Variants in BMF observed in about 807,000 individuals in gnomAD.
BMF encodes bcl-2-modifying factor.
In BMF, 10 loss-of-function variants were observed where a neutral mutation model predicts 22.0. The ratio of observed to expected loss-of-function variants is 0.45; its 90% confidence interval spans 0.28 to 0.77. The LOEUF (loss-of-function observed/expected upper bound fraction) is 0.77, where lower values mean the gene tolerates loss of function less well. Among genes scored for constraint, BMF ranks in the 30% least tolerant of loss-of-function variants. BMF has a pLI of 0.13. For synonymous variants in BMF, 87 were observed against 88.1 expected (o/e 0.99, Z 0.07); for missense variants, 206 against 226.8 (o/e 0.91, Z 0.59).
intron 4 of BMF, among the ~76,000 whole-genome samples, chr15:40,100,888 G>C (rs1227060078): frequency 1.3e-5 from 2 of 152,140 alleles, no homozygotes; most frequent in African/African-American, 2.4e-5. Flanking sequence ...TCTGTAACCA[G>C]GGACAAAAAG....
rs913450231 is a variant in BMF, at chr15:40,088,161, A to G, written c.*3626T>C. On this transcript the variant is annotated 3_prime_UTR_variant, in exon 5 of 5. Transcript: ENST00000354670. ...TCCAGGGATGGGGTAGAAGGCTAGC[A>G]ATGCTCCCAGAGCAGGGAGGGGCAC... is the stretch of plus-strand genomic sequence containing the variant. 2.0e-5 allele frequency: 3 copies of G among 152,618 alleles called. No individual in the cohort carries two copies. Among genetic ancestry groups the G allele is most frequent in the Admixed American group, 1.3e-4 (2 of 15,282 alleles). The allele number at this position is 152,618 out of a possible 1,614,324, so 9.5% of individuals were successfully genotyped here.
In BMF at chr15:40,104,324, C is replaced by T. The variant is rs761096058; in HGVS notation, c.309G>A (p.Arg103=). ...CTGGGAAACTGGCAGGGAGAGGAAG[C>T]CGATAGCCAGCATTGCCTGCAAAGA... ...QRLFYGNAGY[R]LPLPASFPAV... is the part of the protein sequence containing the mutation. Residue 103 remains arginine (R), a synonymous_variant, in exon 4 of 5, where the codon CGG becomes CGA. Coordinates refer to ENST00000354670, the MANE Select transcript of BMF (RefSeq NM_001003940.2). 21 of 1,614,074 alleles carry T rather than the reference C, an allele frequency of 1.3e-5. No homozygotes were observed. The highest frequency in any genetic ancestry group is 1.1e-4 in the East Asian group (5 of 44,900).
rs377596951 is a variant in BMF at position 40,091,747 on chromosome 15, C to T, written c.*40G>A. On this transcript the variant is annotated 3_prime_UTR_variant, in exon 5 of 5. Coordinates refer to ENST00000354670, the MANE Select transcript of BMF (RefSeq NM_001003940.2). ...TGCCCGATGTCCTTCCTGTTCCAGA[C>T]GGTGTTCCTGGTGCCCCATGTGAAG... is the stretch of plus-strand genomic sequence containing the variant. The T allele has an allele frequency of 1.1e-4, 152 of 1,427,624 alleles. 1 individual carries two copies. The highest frequency in any genetic ancestry group is 3.4e-4 in the African/African-American group (24 of 70,552). The allele number at this position is 1,427,624 out of a possible 1,614,324, so 88.4% of individuals were successfully genotyped here. A position where few individuals can be genotyped will look rare whatever the true frequency, so the allele number is the denominator to read the frequency against.
chr15:40,103,713 G>A (rs1325271804), intron 4 of BMF, among the ~76,000 whole-genome samples: 2 of 152,194 alleles, frequency 1.3e-5, no homozygotes, highest in Admixed American at 6.5e-5. Context: ...GGTTTCAACC[G>A]GTTCCACCAC....
intron 4 of BMF, among the ~76,000 whole-genome samples, chr15:40,102,735 G>A (rs2036505236): frequency 1.3e-5 from 2 of 152,302 alleles, no homozygotes; most frequent in South Asian, 4.1e-4. Context: ...CTGTGAGCTG[G>A]GCTCAGCCGT....
intron 2 of BMF, among the ~76,000 whole-genome samples, chr15:40,107,438 C>G (rs2036610569): frequency 2.0e-5 from 3 of 152,072 alleles, no homozygotes; most frequent in Admixed American, 2.0e-4. Flanking sequence ...CCTGAGCTGT[C>G]TATGGTCCTG....
chr15:40,107,393 C>T (rs1052473714), intron 2 of BMF, among the ~76,000 whole-genome samples: 1 of 152,184 alleles, frequency 6.6e-6, no homozygotes, highest in African/African-American at 2.4e-5. Context: ...GAGCTGCTTG[C>T]TTGGGCCCTG....
Position 40,106,020 on chromosome 15 carries a change from C to T in BMF, c.67G>A (p.Val23Met). ...GAGAGCAAGCTCCCGGGTTGGGTCA[C>T]CGGCTCCCCATCCTCTGGTTGGAAC... The part of the protein sequence containing the change: ...DVFQPEDGEP[V>M]TQPGSLLSAD... The change falls in exon 3 of 5, where the codon GTG becomes ATG. Residue 23 changes from valine (V) to methionine (M), a missense_variant. By Grantham distance (21) the Val-to-Met change is conservative. Transcript: ENST00000354670. The surrounding 1 kb of genome is among the most constrained non-coding windows in gnomAD (Gnocchi z 4.1). The T allele has an allele frequency of 6.2e-7, 1 of 1,613,818 alleles. No individual in the cohort carries two copies.
intron 3 of BMF, among the ~76,000 whole-genome samples, chr15:40,104,876 CT>C (rs1382947293): frequency 6.6e-6 from 1 of 152,136 alleles, no homozygotes; most frequent in Non-Finnish European, 1.5e-5. Flanking sequence ...ACGCACAGAG[CT>C]GCCAAGTTGC....
At chr15:40,092,862 CG>C (rs976936385) in intron 4 of BMF, among the ~76,000 whole-genome samples, 8 of 151,642 alleles carry the variant, frequency 5.3e-5, no homozygotes, top group Non-Finnish European at 1.0e-4. Context: ...GAGGACTGGG[CG>C]GGGGCCTCTC....
chr15:40,093,813 T>C (rs547746424), intron 4 of BMF, among the ~76,000 whole-genome samples: 18 of 152,236 alleles, frequency 1.2e-4, no homozygotes, highest in Non-Finnish European at 1.9e-4. Context: ...CTGTGTGTTC[T>C]GCATCCTTGC....
In BMF at chr15:40,089,254, G is replaced by A. The variant is rs537930474; in HGVS notation, c.*2533C>T. 1 of 152,380 alleles carries A rather than the reference G, an allele frequency of 6.6e-6. No homozygotes were observed. The highest frequency in any genetic ancestry group is 2.4e-5 in the African/African-American group (1 of 41,508). The allele number at this position is 152,380 out of a possible 1,614,324, so 9.4% of individuals were successfully genotyped here. The stretch of plus-strand genomic sequence containing the variant: ...TCTCCTGAGGCTAGACTTGAGGAAT[G>A]TTTAGGCCAACTCACCAGGCAGAGG... On this transcript the variant is annotated 3_prime_UTR_variant, in exon 5 of 5. Transcript: ENST00000354670.
intron 4 of BMF, among the ~76,000 whole-genome samples, chr15:40,094,981 C>T (rs374679609): frequency 6.6e-6 from 1 of 152,224 alleles, no homozygotes; most frequent in East Asian, 1.9e-4. Flanking sequence ...TCTGTGGCAG[C>T]CAGGCCACAG....
intron 4 of BMF, among the ~76,000 whole-genome samples, chr15:40,103,456 C>T (rs2036519982): frequency 6.6e-6 from 1 of 152,260 alleles, no homozygotes; most frequent in South Asian, 2.1e-4. Flanking sequence ...CAGGCCATGG[C>T]ACAGAGGGCT....
At chr15:40,101,660 A>C (rs1253414344) in intron 4 of BMF, among the ~76,000 whole-genome samples, 1 of 152,238 alleles carries the variant, frequency 6.6e-6, no homozygotes, top group Non-Finnish European at 1.5e-5. Flanking sequence ...CTCACTTCTC[A>C]AAACCAGCTG....
At chr15:40,103,057 G>C (rs960777123) in intron 4 of BMF, among the ~76,000 whole-genome samples, 2 of 152,194 alleles carry the variant, frequency 1.3e-5, no homozygotes, top group African/African-American at 4.8e-5. Context: ...GGAAAGCCAA[G>C]GTCAATTCCT....
At chr15:40,107,651 T>A (rs1397828632) in intron 2 of BMF, among the ~76,000 whole-genome samples, 1 of 151,270 alleles carries the variant, frequency 6.6e-6, no homozygotes, top group East Asian at 2.0e-4. Context: ...AAGGACCAAG[T>A]GCTGTCCCGC....
rs2036577679 is a variant in BMF, at chr15:40,105,872, G to A, written c.215C>T (p.Thr72Ile). 1 of 1,614,076 alleles carries A rather than the reference G, an allele frequency of 6.2e-7. No homozygotes were observed. Among genetic ancestry groups the A allele is most frequent in the Admixed American group, 1.7e-5 (1 of 60,008 alleles). ...PTSQEDKATQ[T>I]LSPASPSQGV... ...TTGGCTGGGGGAGGCTGGGCTGAGA[G>A]TCTGGGTAGCTTTGTCTTCCTGGCT... is the stretch of plus-strand genomic sequence containing the variant. Residue 72 changes from threonine (T) to isoleucine (I), a missense_variant, in exon 3 of 5, where the codon ACT (threonine) becomes ATT (isoleucine). Physicochemically the swap from Thr to Ile is moderately conservative, Grantham distance 89. Transcript: ENST00000354670.
Position 40,089,558 on chromosome 15 carries a change from C to T in BMF, c.*2229G>A, listed in dbSNP as rs1454157078. 6.6e-6 allele frequency: 1 copy of T among 152,266 alleles called. No homozygotes were observed. Among genetic ancestry groups the T allele is most frequent in the African/African-American group, 2.4e-5 (1 of 41,468 alleles). 9.4% of individuals were successfully genotyped at this position (152,266 alleles called of 1,614,324 possible). Reference sequence around the variant, plus strand: ...TTTGTCAAAGTCTGGGCTCAGTTCTCAGGCCACAGGGCACCCAGCCTGGGC... The same window carrying T: ...TTTGTCAAAGTCTGGGCTCAGTTCTTAGGCCACAGGGCACCCAGCCTGGGC... On this transcript the variant is annotated 3_prime_UTR_variant, in exon 5 of 5. Transcript: ENST00000354670.
Sources: gnomAD v4.1 joint callset for allele counts (sites outside exome capture counted in the v4.1 genomes callset) on GRCh38, gnomAD v4.1.1 for gene constraint, Gnocchi (gnomAD v3.1) non-coding constraint, MANE v1.5 for transcripts, NCBI Gene and HGNC (gene_info 2026-07-23, HGNC 2026-07-21) for gene names.